The following PEAK1 variants were observed in gnomAD, a reference collection of about 807,000 sequenced individuals.
The protein encoded by PEAK1 is pseudopodium enriched atypical kinase 1, also known as inactive tyrosine-protein kinase PEAK1.
A neutral mutation model predicts 124.7 loss-of-function variants in PEAK1; 54 were observed. That is an observed-to-expected ratio of 0.43 (90% CI 0.35 to 0.54). The LOEUF (loss-of-function observed/expected upper bound fraction) is 0.54, where lower values mean the gene tolerates loss of function less well. Ranked by LOEUF, PEAK1 falls within the 20% of genes least tolerant of loss-of-function variation. PEAK1 has a pLI of 0.01. For missense variants in PEAK1, 2,046 were observed against 2,134.5 expected (o/e 0.96, Z 0.82); for synonymous variants, 719 against 760.0 (o/e 0.95, Z 0.89).
At chr15:77,129,673 T>C (rs1162848046) in intron 9 of PEAK1, among the ~76,000 whole-genome samples, 6 of 150,850 alleles carry the variant, frequency 4.0e-5, no homozygotes, top group African/African-American at 1.5e-4. Flanking sequence ...CTCCATCTCC[T>C]GATCTCAGGT....
intron 1 of PEAK1, among the ~76,000 whole-genome samples, chr15:77,391,043 C>T (rs1231864780): frequency 6.6e-6 from 1 of 152,118 alleles, no homozygotes; most frequent in Non-Finnish European, 1.5e-5. Flanking sequence ...GTCACAGAGA[C>T]CTTGAATCCC....
chr15:77,171,409 A>C (rs1401230068), intron 7 of PEAK1, among the ~76,000 whole-genome samples: 2 of 152,182 alleles, frequency 1.3e-5, no homozygotes, highest in Non-Finnish European at 2.9e-5. Flanking sequence ...ATGCTAGGTG[A>C]AATAATGCCA....
chr15:77,240,605 A>C (rs114682552), intron 6 of PEAK1, among the ~76,000 whole-genome samples: 234 of 152,192 alleles, frequency 1.5e-3, no homozygotes, highest in African/African-American at 5.5e-3. Flanking sequence ...CAAAAAAAAA[A>C]AGCTTATGTT....
intron 2 of PEAK1, chr15:77,351,808 T>C (rs1245469730): frequency 1.0e-6 from 1 of 985,448 alleles, no homozygotes; most frequent in Middle Eastern, 5.2e-4. Flanking sequence ...CTGAAAAGTT[T>C]TGAACACGGG....
chr15:77,204,118 G>A (rs1158862851), intron 6 of PEAK1, among the ~76,000 whole-genome samples: 1 of 146,778 alleles, frequency 6.8e-6, no homozygotes, highest in Non-Finnish European at 1.5e-5. Flanking sequence ...TGAAGAAACA[G>A]ATAAAGACAA....
chr15:77,325,610 A>G (rs1301658803), intron 2 of PEAK1, among the ~76,000 whole-genome samples: 1 of 152,140 alleles, frequency 6.6e-6, no homozygotes, highest in Non-Finnish European at 1.5e-5. Context: ...TTTTCTTGGC[A>G]AATGAAAGTT....
chr15:77,408,112 T>TACACATATATACATATAG lies in PEAK1; in HGVS notation c.-666+11876_-666+11893dup, dbSNP rs1268720582. Among the ~76,000 whole-genome samples the TACACATATATACATATAG allele has an allele frequency of 8.8e-5, 13 of 148,220 alleles. No individual in the cohort carries two copies. In the East Asian group the frequency reaches 1.4e-3, roughly 16 times the overall value. On this transcript the variant is annotated intron_variant, in intron 1 of 9. Coordinates refer to ENST00000682557, the MANE Select transcript of PEAK1 (RefSeq NM_001385026.1). ...ATATACACACACATATATACATATA[T>TACACATATATACATATAG]ACACATATATACATATAGACACATG...
At chr15:77,217,550 T>C (rs558865596) in intron 6 of PEAK1, among the ~76,000 whole-genome samples, 1 of 152,192 alleles carries the variant, frequency 6.6e-6, no homozygotes, top group Non-Finnish European at 1.5e-5. Flanking sequence ...ACAAGAGCAA[T>C]GTTTTGACAG....
In PEAK1 at chr15:77,128,323, A is replaced by G. The variant is rs186387934; in HGVS notation, c.4077+4682T>C. 2.0e-5 allele frequency among the ~76,000 whole-genome samples: 3 copies of G among 152,362 alleles called. No homozygotes were observed. The East Asian group carries it at 5.8e-4, about 29-fold the overall frequency. Reference sequence around the variant, plus strand: ...TTCTACAGGACTAGCCCAGAGAGCTATTTGGCTGCAAACATGTACTGTTCT... The same window carrying G: ...TTCTACAGGACTAGCCCAGAGAGCTGTTTGGCTGCAAACATGTACTGTTCT... On this transcript the variant is annotated intron_variant, in intron 9 of 9. Transcript: ENST00000682557.
chr15:77,211,816 C>T (rs966575072), intron 6 of PEAK1, among the ~76,000 whole-genome samples: 3 of 143,540 alleles, frequency 2.1e-5, no homozygotes, highest in Non-Finnish European at 4.5e-5. Flanking sequence ...CCACTGCACT[C>T]CAGCCTGGGA....
intron 6 of PEAK1, among the ~76,000 whole-genome samples, chr15:77,220,158 C>T (rs2059321729): frequency 6.6e-6 from 1 of 151,994 alleles, no homozygotes; most frequent in Non-Finnish European, 1.5e-5. Flanking sequence ...AAGTGTGCTC[C>T]TCAATGAAAA....
intron 2 of PEAK1, among the ~76,000 whole-genome samples, chr15:77,344,993 A>G (rs1427163791): frequency 1.3e-5 from 2 of 152,224 alleles, no homozygotes; most frequent in South Asian, 2.1e-4. Context: ...GCAAACAGAG[A>G]TAATTTTACT....
At chr15:77,128,428 G>C (rs538031259) in intron 9 of PEAK1, among the ~76,000 whole-genome samples, 2 of 152,282 alleles carry the variant, frequency 1.3e-5, no homozygotes, top group East Asian at 3.9e-4. Context: ...CAGTAGGCAA[G>C]GCTGTTCCAT....
Position 77,179,820 on chromosome 15 carries a change from C to A in PEAK1, c.2107G>T (p.Ala703Ser). The A allele has an allele frequency of 6.2e-7, 1 of 1,614,084 alleles. No homozygotes were observed. The highest frequency in any genetic ancestry group is 8.5e-7 in the Non-Finnish European group (1 of 1,179,996). The change falls in exon 7 of 10, where the codon GCT (alanine) becomes TCT (serine). Residue 703 changes from alanine (A) to serine (S), a missense_variant. Coordinates refer to ENST00000682557, the MANE Select transcript of PEAK1 (RefSeq NM_001385026.1). ...NSTEHKRGSVAQKVQEFNNCL... is the reference protein window; with the variant it reads ...NSTEHKRGSVSQKVQEFNNCL... ...TTGTTAAACTCTTGAACCTTCTGAG[C>A]CACTGAGCCCCTTTTATGCTCTGTG...
intron 5 of PEAK1, among the ~76,000 whole-genome samples, chr15:77,256,665 A>C (rs1596926291): frequency 1.3e-5 from 2 of 150,710 alleles, no homozygotes; most frequent in East Asian, 1.9e-4. Flanking sequence ...TCCATAAATA[A>C]AATTTTATCA....
chr15:77,129,561 G>A (rs909866634), intron 9 of PEAK1, among the ~76,000 whole-genome samples: 38 of 149,590 alleles, frequency 2.5e-4, no homozygotes, highest in African/African-American at 9.1e-4. Flanking sequence ...TCAGCCTCCC[G>A]AGTAACTGGG....
intron 5 of PEAK1, among the ~76,000 whole-genome samples, chr15:77,259,579 G>T (rs1345590487): frequency 6.6e-6 from 1 of 152,150 alleles, no homozygotes; most frequent in Non-Finnish European, 1.5e-5. Flanking sequence ...CTGCAAAGGT[G>T]TTAGCCTTAA....
At chr15:77,244,956 A>G (rs1247493609) in intron 6 of PEAK1, among the ~76,000 whole-genome samples, 5 of 152,220 alleles carry the variant, frequency 3.3e-5, no homozygotes, top group Non-Finnish European at 7.3e-5. Flanking sequence ...GAATAAAAGA[A>G]TATTTATTCA....
chr15:77,166,186 A>G (rs767185239), intron 7 of PEAK1, among the ~76,000 whole-genome samples: 11 of 152,364 alleles, frequency 7.2e-5, no homozygotes, highest in South Asian at 6.2e-4. Flanking sequence ...CTCTAGCTAT[A>G]GAATGACTGT....
Sources: allele counts gnomAD v4.1 joint callset (sites outside exome capture counted in the v4.1 genomes callset), GRCh38; gene constraint gnomAD v4.1.1; transcripts MANE v1.5; gene names NCBI Gene and HGNC (gene_info 2026-07-23, HGNC 2026-07-21).